Variants in KIF2C observed in about 807,000 individuals in gnomAD.
KIF2C encodes the protein kinesin family member 2C, also known as kinesin-like protein KIF2C.
A neutral mutation model predicts 97.4 loss-of-function variants in KIF2C; 34 were observed. The observed-to-expected ratio is 0.35, with a 90% CI of 0.27 to 0.46. The LOEUF is 0.46. KIF2C is among the 20% of genes least tolerant of loss of function. The pLI, the probability that KIF2C is intolerant of heterozygous loss-of-function variation, is 1.00. For missense variants in KIF2C, 750 were observed against 907.6 expected, an observed-to-expected ratio of 0.83 and a Z score of 2.23; for synonymous variants, 313 against 318.2, an observed-to-expected ratio of 0.98 and a Z score of 0.17.
chr1:44,767,079 C>T lies in KIF2C; in HGVS notation c.2096-18C>T, dbSNP rs771165060. The T allele has an allele frequency of 1.9e-5, 30 of 1,613,214 alleles. No homozygotes were observed. The highest frequency in any genetic ancestry group is 4.4e-5 in the South Asian group (4 of 90,964). ...AGACTCTCACTAACCCCATATGTAC[C>T]GCTACCCTTTCTTCCAGATGTCATC... is the stretch of plus-strand genomic sequence containing the variant. On this transcript the variant is annotated intron_variant, in intron 20 of 20. Coordinates refer to ENST00000372224, the MANE Select transcript of KIF2C (RefSeq NM_006845.4).
At chr1:44,745,464 C>A (rs1419545228) in intron 2 of KIF2C, among the ~76,000 whole-genome samples, 1 of 38,354 alleles carries the variant, frequency 2.6e-5, no homozygotes. Context: ...TTGTATATGT[C>A]TTTTTTTTTT....
In KIF2C at chr1:44,760,438, C is replaced by T; in HGVS notation, c.1526C>T (p.Thr509Ile). The T allele has an allele frequency of 6.2e-7, 1 of 1,614,194 alleles. No homozygotes were observed. The highest frequency in any genetic ancestry group is 2.2e-5 in the East Asian group (1 of 44,884). Reference sequence around the variant, plus strand: ...GACACTTCCAGTGCTGACCGGCAGACCCGCATGGAGGGCGCAGAAATCAAC... The same window carrying T: ...GACACTTCCAGTGCTGACCGGCAGATCCGCATGGAGGGCGCAGAAATCAAC... ...GADTSSADRQ[T>I]RMEGAEINKS... Residue 509 changes from threonine (T) to isoleucine (I), a missense_variant, in exon 15 of 21, where the codon ACC (threonine) becomes ATC (isoleucine). Coordinates refer to ENST00000372224, the MANE Select transcript of KIF2C (RefSeq NM_006845.4). The surrounding 1 kb of genome is among the most constrained non-coding windows in gnomAD (Gnocchi z 4.2).
At position 44,754,622 on chromosome 1, in the gene KIF2C, A is replaced by G. The variant is rs961965760; in HGVS notation, c.664-128A>G. 1.7e-5 allele frequency: 13 copies of G among 750,566 alleles called. No homozygotes were observed. The African/African-American group carries it at 1.9e-4, about 11-fold the overall frequency. 46.5% of individuals were successfully genotyped at this position (750,566 alleles called of 1,614,324 possible). On this transcript the variant is annotated intron_variant, in intron 7 of 20. Coordinates refer to ENST00000372224, the MANE Select transcript of KIF2C (RefSeq NM_006845.4). ...TGCTTTGTACCTGGCTTCTCAACCC[A>G]GAGCCAGGGCAGGGACTTTGACAAC...
chr1:44,756,544 CTTTTTTTTTTTTTTT>C, intron 10 of KIF2C, among the ~76,000 whole-genome samples: 1 of 65,244 alleles, frequency 1.5e-5, no homozygotes, highest in East Asian at 5.0e-4. Flanking sequence ...GCTCTATCTG[CTTTTTTTTTTTTTTT>C]TTTTTTTTTT....
intron 11 of KIF2C, 57 bp downstream of exon 11, chr1:44,757,703 TATAAAGGGAGAC>T: frequency 7.7e-7 from 1 of 1,290,504 alleles, no homozygotes; most frequent in South Asian, 1.2e-5. Flanking sequence ...CCTGGCTCCC[TATAAAGGGAGAC>T]AATGAGTTTG....
In KIF2C at chr1:44,753,137, C is replaced by G. The variant is rs772519336; in HGVS notation, c.445C>G (p.Pro149Ala). 1 of 1,611,434 alleles carries G rather than the reference C, an allele frequency of 6.2e-7. No individual in the cohort carries two copies. The highest frequency in any genetic ancestry group is 8.5e-7 in the Non-Finnish European group (1 of 1,178,412). ...TGACTCTTGTTCCCCTACAGCTGCC[C>G]CCACTAGGCCTTCCTGCCCTGCAGT... ...SRKQFSVPPA[P>A]TRPSCPAVAE... Residue 149 changes from proline (P) to alanine (A), a missense_variant, in exon 6 of 21, where the codon CCC becomes GCC. Coordinates refer to ENST00000372224, the MANE Select transcript of KIF2C (RefSeq NM_006845.4).
chr1:44,757,668 G>T, intron 11 of KIF2C, 22 bp downstream of exon 11: 1 of 1,544,224 alleles, frequency 6.5e-7, no homozygotes, highest in African/African-American at 1.4e-5. Context: ...GGCCTGGCGG[G>T]GAAAGAGCCT....
intron 5 of KIF2C, 90 bp from the exon 6 acceptor site, chr1:44,753,042 C>A: frequency 6.7e-7 from 1 of 1,498,638 alleles, no homozygotes; most frequent in Non-Finnish European, 9.0e-7. Context: ...AGGCAGGTCG[C>A]TCTCCCGGCC....
chr1:44,758,958 G>A (rs1262020987), intron 13 of KIF2C: 1 of 506,722 alleles, frequency 2.0e-6, no homozygotes, highest in East Asian at 3.6e-5. Flanking sequence ...TGAGATGCAA[G>A]GCTAGAGTGG....
At chr1:44,766,771 C>T in intron 19 of KIF2C, 55 bp from the exon 20 acceptor site, 1 of 1,597,022 alleles carries the variant, frequency 6.3e-7, no homozygotes, top group Admixed American at 1.7e-5. Flanking sequence ...GGTAGGACCC[C>T]AGGAATGATT....
chr1:44,762,581 T>G lies in KIF2C; in HGVS notation c.1894T>G (p.Ser632Ala), dbSNP rs748791354. 8 of 1,614,028 alleles carry G rather than the reference T, an allele frequency of 5.0e-6. No individual in the cohort carries two copies. Among genetic ancestry groups the G allele is most frequent in the Non-Finnish European group, 5.9e-6 (7 of 1,180,022 alleles). Residue 632 changes from serine to alanine, a missense_variant, in exon 19 of 21, where the codon TCC becomes GCC. By Grantham distance (99) the Ser-to-Ala change is moderately conservative. Coordinates refer to ENST00000372224, the MANE Select transcript of KIF2C (RefSeq NM_006845.4). ...KEEEELSSQMSSFNEAMTQIR... is the reference protein window; with the variant it reads ...KEEEELSSQMASFNEAMTQIR... ...AGAGGAGGAACTGTCTTCCCAGATG[T>G]CCAGCTTTAACGAAGCCATGACTCA...
chr1:44,745,994 A>G (rs1039869610), intron 2 of KIF2C, among the ~76,000 whole-genome samples: 44 of 151,906 alleles, frequency 2.9e-4, no homozygotes, highest in African/African-American at 9.9e-4. Flanking sequence ...CTCCTGCCTC[A>G]GGCTCCTGAG....
intron 4 of KIF2C, 164 bp from the exon 5 acceptor site, chr1:44,750,278 T>C: frequency 1.6e-6 from 1 of 632,214 alleles, no homozygotes; most frequent in South Asian, 5.5e-5. Flanking sequence ...GGGTTACTGG[T>C]ACTTGGTCTT....
intron 19 of KIF2C, among the ~76,000 whole-genome samples, chr1:44,763,449 C>G (rs1479849796): frequency 6.6e-6 from 1 of 152,140 alleles, no homozygotes; most frequent in African/African-American, 2.4e-5. Context: ...ATGGCACTTT[C>G]AGGATGAATG....
At chr1:44,741,784 G>A (rs2148819729) in intron 2 of KIF2C, among the ~76,000 whole-genome samples, 1 of 152,064 alleles carries the variant, frequency 6.6e-6, no homozygotes, top group African/African-American at 2.4e-5. Flanking sequence ...GAGCTCAGCA[G>A]TTCAAGACCA....
At position 44,757,605 on chromosome 1, in the gene KIF2C, A is replaced by G; in HGVS notation, c.1027A>G (p.Thr343Ala). The G allele has an allele frequency of 6.2e-7, 1 of 1,613,938 alleles. No homozygotes were observed. The highest frequency in any genetic ancestry group is 8.5e-7 in the Non-Finnish European group (1 of 1,179,804). ...VQTIFEGGKA[T>A]CFAYGQTGSG... is the part of the protein sequence containing the mutation. ...GACAATCTTTGAAGGTGGAAAAGCA[A>G]CTTGTTTTGCATATGGCCAGACAGG... The change falls in exon 11 of 21, where the codon ACT becomes GCT. Residue 343 changes from threonine to alanine, a missense_variant. Coordinates refer to ENST00000372224, the MANE Select transcript of KIF2C (RefSeq NM_006845.4).
At chr1:44,753,588 T>C in intron 6 of KIF2C, 145 bp from the exon 7 acceptor site, 1 of 600,274 alleles carries the variant, frequency 1.7e-6, no homozygotes. Flanking sequence ...TTTTTGCATA[T>C]AGTGATTTAA....
chr1:44,760,383 G>A lies in KIF2C; in HGVS notation c.1471G>A (p.Val491Ile), dbSNP rs771769681. The part of the protein sequence containing the change: ...KGRMHGKFSL[V>I]DLAGNERGAD... ...GAGAATGCATGGCAAGTTCTCTTTG[G>A]TAGATCTGGCAGGGAATGAGCGAGG... Residue 491 changes from valine to isoleucine, a missense_variant, in exon 15 of 21, where the codon GTA becomes ATA. Physicochemically the swap from Val to Ile is conservative, Grantham distance 29. Transcript: ENST00000372224. This position sits in a 1 kb window ranked among gnomAD's most constrained non-coding sequence, Gnocchi z 4.2. The A allele has an allele frequency of 5.0e-6, 8 of 1,614,112 alleles. No individual in the cohort carries two copies. Among genetic ancestry groups the A allele is most frequent in the African/African-American group, 1.3e-5 (1 of 74,946 alleles).
intron 2 of KIF2C, among the ~76,000 whole-genome samples, chr1:44,742,590 G>A (rs577386330): frequency 6.8e-4 from 104 of 151,900 alleles, no homozygotes; most frequent in African/African-American, 2.4e-3. Context: ...GTGGTGGCAC[G>A]GGCCTGTAAT....
Sources: allele counts gnomAD v4.1 joint callset (sites outside exome capture counted in the v4.1 genomes callset), GRCh38; gene constraint gnomAD v4.1.1; non-coding constraint Gnocchi (gnomAD v3.1); transcripts MANE v1.5; gene names NCBI Gene and HGNC (gene_info 2026-07-23, HGNC 2026-07-21).